The following PLEKHA4 variants were observed in gnomAD, a reference collection of about 807,000 sequenced individuals.
PLEKHA4 encodes the protein pleckstrin homology domain-containing family A member 4.
In PLEKHA4, 73 loss-of-function variants were observed where a neutral mutation model predicts 94.7. That is an observed-to-expected ratio of 0.77 (90% CI 0.64 to 0.94). PLEKHA4 has a LOEUF of 0.94. Ranked by LOEUF, PLEKHA4 falls within the 40% of genes least tolerant of loss-of-function variation. PLEKHA4 has a pLI of 0.00. For missense variants in PLEKHA4, 1,049 were observed against 1,054.1 expected (o/e 1.00, Z 0.07); for synonymous variants, 449 against 437.1 (o/e 1.03, Z -0.34).
In PLEKHA4 at chr19:48,837,404, C is replaced by A. The variant is rs35965411; in HGVS notation, c.2225G>T (p.Gly742Val). ...TGFSRRGSGR[G>V]GGPTPWGPAW... ...GGGCCCCCAGGGGGTGGGACCTCCT[C>A]CACGCCCACTCCCTCGGCGAGAGAA... is the stretch of plus-strand genomic sequence containing the variant. The change falls in exon 20 of 20, where the codon GGA becomes GTA. Residue 742 changes from glycine (G) to valine (V), a missense_variant. Transcript: ENST00000263265. The surrounding 1 kb of genome is among the most constrained non-coding windows in gnomAD (Gnocchi z 4.3). The A allele has an allele frequency of 0.023, 37,379 of 1,613,498 alleles. 2,179 individuals are homozygous for A. The highest frequency in any genetic ancestry group is 0.21 in the African/African-American group (15,742 of 74,938).
intron 3 of PLEKHA4, 39 bp from the exon 4 acceptor site, chr19:48,861,731 A>C (rs2036649670): frequency 8.3e-6 from 13 of 1,564,736 alleles, no homozygotes; most frequent in Non-Finnish European, 8.8e-6. Flanking sequence ...GAGTAAAGGG[A>C]AACAGAAAAA....
chr19:48,855,812 A>AT (rs1046710179), intron 9 of PLEKHA4, among the ~76,000 whole-genome samples: 1 of 151,276 alleles, frequency 6.6e-6, no homozygotes, highest in Non-Finnish European at 1.5e-5. Flanking sequence ...ATTTTTTTTA[A>AT]TTTAAAAAAA....
rs1453781948 is a variant in PLEKHA4, at chr19:48,837,259, C to T, written c.*30G>A. The T allele has an allele frequency of 2.5e-6, 4 of 1,613,910 alleles. No individual in the cohort carries two copies. Among genetic ancestry groups the T allele is most frequent in the Non-Finnish European group, 3.4e-6 (4 of 1,180,014 alleles). ...GCGGTACCTCCAGACCACGTCCTCGCGCTCCGATTGGCTGCCGCTTTTGGG... is the reference window on the plus strand; with the variant it reads ...GCGGTACCTCCAGACCACGTCCTCGTGCTCCGATTGGCTGCCGCTTTTGGG... On this transcript the variant is annotated 3_prime_UTR_variant, in exon 20 of 20. Transcript: ENST00000263265. This position sits in a 1 kb window ranked among gnomAD's most constrained non-coding sequence, Gnocchi z 4.3.
rs1203802610 is a variant in PLEKHA4 at position 48,837,301 on chromosome 19, T to C, written c.2328A>G (p.Gln776=). Residue 776 remains glutamine, a synonymous_variant, in exon 20 of 20, where the codon CAA becomes CAG. Coordinates refer to ENST00000263265, the MANE Select transcript of PLEKHA4 (RefSeq NM_020904.3). The surrounding 1 kb of genome is among the most constrained non-coding windows in gnomAD (Gnocchi z 4.3). The part of the protein sequence containing the change: ...GAWPLRVTLL[Q]SSF ...GCTTTTGGGCGGATTAGAAGCTGGA[T>C]TGTAGCAGAGTGACTCGCAGAGGCC... The C allele has an allele frequency of 6.2e-7, 1 of 1,613,776 alleles. No individual in the cohort carries two copies. Among genetic ancestry groups the C allele is most frequent in the Non-Finnish European group, 8.5e-7 (1 of 1,179,998 alleles).
rs368418554 is a variant in PLEKHA4, at chr19:48,867,575, C to T, written c.46G>A (p.Ala16Thr). 6.2e-6 allele frequency: 10 copies of T among 1,602,698 alleles called. No homozygotes were observed. Among genetic ancestry groups the T allele is most frequent in the East Asian group, 2.2e-5 (1 of 44,536 alleles). ...PRSSLSLASS[A>T]STISSLSSLS... ...CTGCTGAGCGAGGAGATGGTGGAGG[C>T]GCTGCTGGCCAGGCTCAGGCTGCTG... The change falls in exon 2 of 20, where the codon GCC becomes ACC. Residue 16 changes from alanine to threonine, a missense_variant. Coordinates refer to ENST00000263265, the MANE Select transcript of PLEKHA4 (RefSeq NM_020904.3). The surrounding 1 kb of genome is among the most constrained non-coding windows in gnomAD (Gnocchi z 4.7).
Position 48,841,218 on chromosome 19 carries a change from G to A in PLEKHA4, c.1836C>T (p.Thr612=), listed in dbSNP as rs1348514156. The part of the protein sequence containing the change: ...QECGRPFPRP[T]SPRLLTLGRT... ...TTCCCAGGGTGAGAAGCCGGGGGGA[G>A]GTCGGGCGAGGGAAGGGCCGTCCAC... The change falls in exon 17 of 20, where the codon ACC becomes ACT. Residue 612 remains threonine, a synonymous_variant. Transcript: ENST00000263265. 6.2e-7 allele frequency: 1 copy of A among 1,613,226 alleles called. No homozygotes were observed. The highest frequency in any genetic ancestry group is 8.5e-7 in the Non-Finnish European group (1 of 1,179,810).
chr19:48,856,501 C>T (rs1471667385), intron 9 of PLEKHA4, among the ~76,000 whole-genome samples: 1 of 151,806 alleles, frequency 6.6e-6, no homozygotes, highest in African/African-American at 2.4e-5. Context: ...GGGAGGATCA[C>T]GAGGTTAGGA....
Position 48,839,258 on chromosome 19 carries a change from G to A in PLEKHA4, c.1911C>T (p.Val637=), listed in dbSNP as rs145100932. ...RRQPDVEQRP[V]VGHSGAQKWL... ...ATTTCTGGGCTCCCGAGTGTCCTACGACAGGCTGGAAAGGAATTGGGGCAT... is the reference window on the plus strand; with the variant it reads ...ATTTCTGGGCTCCCGAGTGTCCTACAACAGGCTGGAAAGGAATTGGGGCAT... Residue 637 remains valine, a synonymous_variant, in exon 18 of 20, where the codon GTC becomes GTT. Coordinates refer to ENST00000263265, the MANE Select transcript of PLEKHA4 (RefSeq NM_020904.3). 389 of 1,584,204 alleles carry A rather than the reference G, an allele frequency of 2.5e-4. No homozygotes were observed. The highest frequency in any genetic ancestry group is 3.2e-4 in the Non-Finnish European group (375 of 1,160,864).
intron 5 of PLEKHA4, among the ~76,000 whole-genome samples, 177 bp downstream of exon 5, chr19:48,861,224 A>G (rs1208833032): frequency 6.6e-6 from 1 of 152,186 alleles, no homozygotes; most frequent in Non-Finnish European, 1.5e-5. Context: ...CAACAAAACA[A>G]AAAAACAAAC....
At chr19:48,862,012 A>G (rs2123147905) in intron 3 of PLEKHA4, among the ~76,000 whole-genome samples, 1 of 150,966 alleles carries the variant, frequency 6.6e-6, no homozygotes. Flanking sequence ...CTGTAGCCCC[A>G]GCTACTCCGG....
Position 48,845,394 on chromosome 19 carries a change from G to C in PLEKHA4, c.1719C>G (p.Leu573=). The C allele has an allele frequency of 3.1e-6, 5 of 1,613,350 alleles. No homozygotes were observed. Among genetic ancestry groups the C allele is most frequent in the Non-Finnish European group, 3.4e-6 (4 of 1,180,022 alleles). Residue 573 remains leucine, a synonymous_variant, in exon 16 of 20, where the codon CTC becomes CTG. Coordinates refer to ENST00000263265, the MANE Select transcript of PLEKHA4 (RefSeq NM_020904.3). ...SRASSPEGRH[L]PSPQLGTKAP... is the part of the protein sequence containing the mutation. Reference sequence around the variant, plus strand: ...CCTTGGTTCCTAGCTGTGGGGAAGGGAGGTGGCGACCCTCAGGGCTGGAAG... The same window carrying C: ...CCTTGGTTCCTAGCTGTGGGGAAGGCAGGTGGCGACCCTCAGGGCTGGAAG...
chr19:48,838,680 T>C (rs1431825274), intron 18 of PLEKHA4, among the ~76,000 whole-genome samples: 1 of 147,330 alleles, frequency 6.8e-6, no homozygotes, highest in Non-Finnish European at 1.5e-5. Context: ...GGAAGGAGAA[T>C]CATTTGAACC....
intron 16 of PLEKHA4, chr19:48,844,653 T>C: frequency 2.0e-6 from 2 of 985,180 alleles, no homozygotes; most frequent in South Asian, 9.4e-5. Context: ...GCTCCATGCT[T>C]CTGAAAACCA....
chr19:48,866,558 C>G (rs1403197976), intron 2 of PLEKHA4, among the ~76,000 whole-genome samples: 1 of 152,212 alleles, frequency 6.6e-6, no homozygotes. Context: ...CCACCCGCCT[C>G]AGCCTCTTAA....
At position 48,861,698 on chromosome 19, in the gene PLEKHA4, G is replaced by A. The variant is rs1301372449; in HGVS notation, c.193-6C>T. 1 of 1,613,026 alleles carries A rather than the reference G, an allele frequency of 6.2e-7. No individual in the cohort carries two copies. Among genetic ancestry groups the A allele is most frequent in the East Asian group, 2.2e-5 (1 of 44,872 alleles). On this transcript the variant is annotated splice_polypyrimidine_tract_variant and splice_region_variant and intron_variant, in intron 3 of 19. Coordinates refer to ENST00000263265, the MANE Select transcript of PLEKHA4 (RefSeq NM_020904.3). ...AGACGGAGCCCCGAGCTGTCCTGGG[G>A]AGAGAGATGGGAGGAGGGGCCTGAG... is the stretch of plus-strand genomic sequence containing the variant.
chr19:48,853,408 G>A (rs2036276537), intron 12 of PLEKHA4, among the ~76,000 whole-genome samples: 1 of 151,832 alleles, frequency 6.6e-6, no homozygotes, highest in African/African-American at 2.4e-5. Context: ...GCACATGCCT[G>A]TAATCCCAGT....
At chr19:48,858,671 G>A (rs1412605702) in intron 8 of PLEKHA4, among the ~76,000 whole-genome samples, 189 bp downstream of exon 8, 2 of 139,452 alleles carry the variant, frequency 1.4e-5, no homozygotes, top group African/African-American at 3.0e-5. Flanking sequence ...AGCCTAGAAA[G>A]ACAGCCCAGA....
In PLEKHA4 at chr19:48,857,470, G is replaced by T; in HGVS notation, c.999C>A (p.Leu333=). ...TCCCAGGGGGCCGCGGGGGGAGCTG[G>T]AGATAAGTGGGGGAGCCAGAGTGTG... ...TQAHSGSPTY[L]QLPPRPPGTR... The change falls in exon 9 of 20, where the codon CTC becomes CTA. Residue 333 remains leucine (L), a synonymous_variant. Coordinates refer to ENST00000263265, the MANE Select transcript of PLEKHA4 (RefSeq NM_020904.3). The T allele has an allele frequency of 6.4e-7, 1 of 1,566,504 alleles. No homozygotes were observed. The highest frequency in any genetic ancestry group is 8.6e-7 in the Non-Finnish European group (1 of 1,159,072).
intron 12 of PLEKHA4, among the ~76,000 whole-genome samples, chr19:48,853,196 A>G (rs999030812): frequency 6.6e-6 from 1 of 152,008 alleles, no homozygotes; most frequent in Non-Finnish European, 1.5e-5. Flanking sequence ...TCATTCATTC[A>G]TTCATTCACT....
Sources: gnomAD v4.1 joint callset for allele counts (sites outside exome capture counted in the v4.1 genomes callset) on GRCh38, gnomAD v4.1.1 for gene constraint, Gnocchi (gnomAD v3.1) non-coding constraint, MANE v1.5 for transcripts, NCBI Gene and HGNC (gene_info 2026-07-23, HGNC 2026-07-21) for gene names.